Variants in DDX10 observed in about 807,000 individuals in gnomAD.
The protein encoded by DDX10 is DEAD-box helicase 10.
Under a neutral mutation model 104.3 loss-of-function variants are expected in DDX10, and 74 were observed. The observed-to-expected ratio is 0.71, with a 90% CI of 0.59 to 0.86. DDX10 has a LOEUF of 0.86. Among genes scored for constraint, DDX10 ranks in the 40% least tolerant of loss-of-function variants. The pLI is 0.00. For synonymous variants in DDX10, 351 were observed against 353.4 expected (o/e 0.99, Z 0.08); for missense variants, 952 against 1,040.0 (o/e 0.92, Z 1.16).
intron 17 of DDX10, among the ~76,000 whole-genome samples, chr11:108,927,042 G>C (rs1863918141): frequency 6.6e-6 from 1 of 152,086 alleles, no homozygotes; most frequent in Non-Finnish European, 1.5e-5. Flanking sequence ...GACACCTCAG[G>C]GTTTCTGTTT....
In DDX10 at chr11:108,678,417, A is replaced by G. The variant is rs982632153; in HGVS notation, c.640A>G (p.Thr214Ala). ...HMDETVSFHA[T>A]DLQMLVLDEA... is the part of the protein sequence containing the mutation. The stretch of plus-strand genomic sequence containing the variant: ...GGATGAAACAGTATCTTTTCATGCT[A>G]CCGACCTCCAAATGTTAGGTGAGTC... The change falls in exon 5 of 18, where the codon ACC (threonine) becomes GCC (alanine). Residue 214 changes from threonine to alanine, a missense_variant. By Grantham distance (58) the Thr-to-Ala change is moderately conservative (BLOSUM62 0). Around this residue, in one of 3 missense-constraint regions of DDX10, gnomAD observed 412 missense variants for 479.2 expected, o/e 0.86. Coordinates refer to ENST00000322536, the MANE Select transcript of DDX10 (RefSeq NM_004398.4). The G allele has an allele frequency of 1.6e-5, 25 of 1,606,066 alleles. No homozygotes were observed. Among genetic ancestry groups the G allele is most frequent in the Non-Finnish European group, 2.1e-5 (25 of 1,176,728 alleles).
At chr11:108,688,847 C>A in intron 6 of DDX10, 89 bp from the exon 7 acceptor site, 2 of 1,401,574 alleles carry the variant, frequency 1.4e-6, no homozygotes, top group Non-Finnish European at 1.9e-6. Flanking sequence ...AGAGATGTGC[C>A]ACTATTAAAA....
At chr11:108,850,218 G>A (rs1862772290) in intron 15 of DDX10, among the ~76,000 whole-genome samples, 1 of 151,886 alleles carries the variant, frequency 6.6e-6, no homozygotes, top group South Asian at 2.1e-4. Flanking sequence ...AATTTAAAAG[G>A]GAAAATTATC....
At chr11:108,785,654 A>G (rs191021433) in intron 13 of DDX10, among the ~76,000 whole-genome samples, 41 of 152,194 alleles carry the variant, frequency 2.7e-4, no homozygotes, top group Admixed American at 1.8e-3. Context: ...TCCTGGTTCA[A>G]TCTTGAGGTT....
chr11:108,937,078 G>A (rs979577125), intron 17 of DDX10, among the ~76,000 whole-genome samples: 4 of 152,152 alleles, frequency 2.6e-5, no homozygotes, highest in Non-Finnish European at 5.9e-5. Context: ...TACCTTTCAC[G>A]GGAGATAAGG....
intron 13 of DDX10, among the ~76,000 whole-genome samples, chr11:108,826,818 T>C (rs1277297646): frequency 6.6e-6 from 1 of 152,182 alleles, no homozygotes; most frequent in Non-Finnish European, 1.5e-5. Flanking sequence ...TTCATTGGCT[T>C]TCAGCTGCCA....
chr11:108,940,041 A>G lies in DDX10; in HGVS notation c.2451-205A>G, dbSNP rs543357910. 7.2e-5 allele frequency among the ~76,000 whole-genome samples: 11 copies of G among 152,256 alleles called. No homozygotes were observed. In the South Asian group the frequency reaches 2.3e-3, roughly 32 times the overall value. ...AAGATTGGATGACCCAGTGTGAACA[A>G]AGTACCTTGCATGTGCCTGGTGCGT... On this transcript the variant is annotated intron_variant, in intron 17 of 17. Transcript: ENST00000322536.
intron 13 of DDX10, chr11:108,767,180 G>C (rs1226015661): frequency 6.6e-6 from 1 of 152,062 alleles, no homozygotes; most frequent in Non-Finnish European, 1.5e-5. Context: ...TTCATCTCTG[G>C]ACTTATCTTA....
chr11:108,709,512 C>T (rs1208084842), intron 10 of DDX10, among the ~76,000 whole-genome samples: 2 of 152,164 alleles, frequency 1.3e-5, no homozygotes, highest in Non-Finnish European at 2.9e-5. Context: ...AAGAGTTTGG[C>T]AGATTTTGTC....
intron 17 of DDX10, among the ~76,000 whole-genome samples, chr11:108,939,654 G>T (rs1457380224): frequency 6.6e-6 from 1 of 152,140 alleles, no homozygotes; most frequent in African/African-American, 2.4e-5. Flanking sequence ...TATGGTCTAT[G>T]TCTTGAGTAT....
chr11:108,846,807 G>T (rs894885225), intron 15 of DDX10, among the ~76,000 whole-genome samples: 2 of 135,528 alleles, frequency 1.5e-5, no homozygotes, highest in African/African-American at 5.5e-5. Context: ...GGTTCTAACT[G>T]GTTTAGAGTA....
At chr11:108,729,653 G>T (rs1236718495) in intron 13 of DDX10, among the ~76,000 whole-genome samples, 4 of 150,764 alleles carry the variant, frequency 2.7e-5, no homozygotes, top group African/African-American at 9.8e-5. Flanking sequence ...TAACTCACTT[G>T]TTAATACTAT....
intron 13 of DDX10, among the ~76,000 whole-genome samples, chr11:108,807,479 G>C (rs1355264647): frequency 6.6e-6 from 1 of 152,160 alleles, no homozygotes; most frequent in Non-Finnish European, 1.5e-5. Flanking sequence ...GACTGATGCT[G>C]GGGGTGGGTT....
intron 16 of DDX10, among the ~76,000 whole-genome samples, chr11:108,912,405 C>T (rs1427517623): frequency 6.6e-6 from 1 of 152,062 alleles, no homozygotes; most frequent in Non-Finnish European, 1.5e-5. Flanking sequence ...ACCGATCCTC[C>T]ACCTTCATCT....
chr11:108,934,281 A>G (rs1235248277), intron 17 of DDX10, among the ~76,000 whole-genome samples: 2 of 152,204 alleles, frequency 1.3e-5, no homozygotes, highest in Non-Finnish European at 2.9e-5. Context: ...CAGTGGGGGA[A>G]TAGTCCTTTT....
chr11:108,847,270 G>A (rs993427926), intron 15 of DDX10, among the ~76,000 whole-genome samples: 4 of 152,142 alleles, frequency 2.6e-5, no homozygotes, highest in African/African-American at 7.2e-5. Flanking sequence ...ATAGGCCATG[G>A]ATCCTATTTT....
chr11:108,907,963 A>G (rs1259258328), intron 16 of DDX10, among the ~76,000 whole-genome samples: 3 of 152,244 alleles, frequency 2.0e-5, no homozygotes, highest in Non-Finnish European at 4.4e-5. Flanking sequence ...ATTTAACATC[A>G]TGGTGTGGGA....
intron 16 of DDX10, among the ~76,000 whole-genome samples, chr11:108,876,734 A>G (rs1863158364): frequency 6.6e-6 from 1 of 152,170 alleles, no homozygotes; most frequent in Admixed American, 6.5e-5. Flanking sequence ...GCACTTACAG[A>G]CTTGTCCACA....
At chr11:108,740,663 A>T (rs1170098155) in intron 13 of DDX10, among the ~76,000 whole-genome samples, 1 of 151,566 alleles carries the variant, frequency 6.6e-6, no homozygotes, top group Non-Finnish European at 1.5e-5. Context: ...TTTTTTTTAC[A>T]TTTTAATCTC....
Sources: gnomAD v4.1 joint callset for allele counts (sites outside exome capture counted in the v4.1 genomes callset) on GRCh38, gnomAD v4.1.1 for gene constraint, gnomAD v4.1.1 regional missense constraint, MANE v1.5 for transcripts, NCBI Gene and HGNC (gene_info 2026-07-23, HGNC 2026-07-21) for gene names.